The following BBS9 variants were observed in gnomAD, a reference collection of about 807,000 sequenced individuals.
BBS9 encodes Bardet-Biedl syndrome 9, also known as protein PTHB1.
A neutral mutation model predicts 117.7 loss-of-function variants in BBS9; 89 were observed. That is an observed-to-expected ratio of 0.76 (90% CI 0.64 to 0.90). BBS9 has a LOEUF of 0.90. Among genes scored for constraint, BBS9 ranks in the 40% least tolerant of loss-of-function variants. The pLI, the probability that BBS9 is intolerant of heterozygous loss-of-function variation, is 0.00. For synonymous variants in BBS9, 379 were observed against 370.9 expected (o/e 1.02, Z -0.25); for missense variants, 982 against 1,042.2 (o/e 0.94, Z 0.80).
chr7:33,404,172 C>G (rs2128799407), intron 19 of BBS9, among the ~76,000 whole-genome samples: 1 of 152,202 alleles, frequency 6.6e-6, no homozygotes, highest in African/African-American at 2.4e-5. Context: ...GGCGTTATTT[C>G]TGAGGGCTCT....
At chr7:33,546,766 C>T (rs1853439191) in intron 21 of BBS9, among the ~76,000 whole-genome samples, 1 of 152,148 alleles carries the variant, frequency 6.6e-6, no homozygotes, top group African/African-American at 2.4e-5. Context: ...AATGATGTTC[C>T]ACAACGCATT....
At chr7:33,268,436 T>C (rs1376054750) in intron 7 of BBS9, among the ~76,000 whole-genome samples, 1 of 152,236 alleles carries the variant, frequency 6.6e-6, no homozygotes, top group Non-Finnish European at 1.5e-5. Flanking sequence ...TTCCCTGCAC[T>C]ATGGCCTAGA....
chr7:33,399,013 A>G (rs960993611), intron 19 of BBS9, among the ~76,000 whole-genome samples: 3 of 152,212 alleles, frequency 2.0e-5, no homozygotes, highest in Non-Finnish European at 2.9e-5. Flanking sequence ...TATATTCAAT[A>G]TATCATTTCA....
At chr7:33,418,686 G>A (rs1232250311) in intron 19 of BBS9, among the ~76,000 whole-genome samples, 1 of 152,148 alleles carries the variant, frequency 6.6e-6, no homozygotes, top group Non-Finnish European at 1.5e-5. Flanking sequence ...GCATCTTGTA[G>A]CCACCTTGCT....
chr7:33,167,465 C>T (rs1181924875), intron 4 of BBS9, among the ~76,000 whole-genome samples: 1 of 147,438 alleles, frequency 6.8e-6, no homozygotes, highest in Non-Finnish European at 1.5e-5. Context: ...TGCAGTGGTA[C>T]AATCTCAGCT....
At chr7:33,449,478 G>A (rs995633518) in intron 19 of BBS9, among the ~76,000 whole-genome samples, 3 of 152,228 alleles carry the variant, frequency 2.0e-5, no homozygotes, top group South Asian at 2.1e-4. Flanking sequence ...CTTACGGCCC[G>A]GAGCCCTGGA....
chr7:33,424,194 G>A (rs1833295594), intron 19 of BBS9, among the ~76,000 whole-genome samples: 1 of 152,172 alleles, frequency 6.6e-6, no homozygotes, highest in Non-Finnish European at 1.5e-5. Flanking sequence ...GTTCCAGCAA[G>A]GTGATTATGG....
At chr7:33,519,383 T>C (rs1239142053) in intron 20 of BBS9, among the ~76,000 whole-genome samples, 2 of 152,218 alleles carry the variant, frequency 1.3e-5, no homozygotes, top group African/African-American at 4.8e-5. Context: ...CCAAGTATTC[T>C]CAATGATGAG....
At chr7:33,426,636 C>T (rs980997088) in intron 19 of BBS9, among the ~76,000 whole-genome samples, 8 of 151,550 alleles carry the variant, frequency 5.3e-5, no homozygotes, top group African/African-American at 1.7e-4. Flanking sequence ...AAGCCACATT[C>T]GGTTGTTAAA....
At chr7:33,179,770 A>C (rs1409000586) in intron 5 of BBS9, among the ~76,000 whole-genome samples, 2 of 152,210 alleles carry the variant, frequency 1.3e-5, no homozygotes, top group Non-Finnish European at 2.9e-5. Context: ...TGTCTTCCAC[A>C]AAACTGGTCC....
intron 9 of BBS9, among the ~76,000 whole-genome samples, chr7:33,281,133 T>C (rs1168092491): frequency 1.3e-5 from 2 of 151,670 alleles, no homozygotes; most frequent in African/African-American, 2.4e-5. Flanking sequence ...AATATTAGTT[T>C]TTCATTACTA....
chr7:33,269,448 T>C (rs1026004360), intron 7 of BBS9, among the ~76,000 whole-genome samples: 1 of 151,120 alleles, frequency 6.6e-6, no homozygotes, highest in Non-Finnish European at 1.5e-5. Context: ...TGCATCTCTC[T>C]TGGGTGAAGC....
In BBS9 at chr7:33,605,586, A is replaced by G. The variant is rs992307846; in HGVS notation, c.*360A>G. On this transcript the variant is annotated 3_prime_UTR_variant, in exon 23 of 23. Coordinates refer to ENST00000242067, the MANE Select transcript of BBS9 (RefSeq NM_198428.3). ...TACCCCATTTTTTCACAGAATTCTT[A>G]TATAGTAAATGTATCAAGTTTAATA... 29 of 300,034 alleles carry G rather than the reference A, an allele frequency of 9.7e-5. No individual in the cohort carries two copies. Among genetic ancestry groups the G allele is most frequent in the African/African-American group, 4.7e-4 (22 of 46,600 alleles). The allele number at this position is 300,034 out of a possible 1,614,324, so 18.6% of individuals were successfully genotyped here.
At chr7:33,606,689 A>T (rs1585464864), downstream of BBS9, among the ~76,000 whole-genome samples, 1 of 152,116 alleles carries the variant, frequency 6.6e-6, no homozygotes, top group Non-Finnish European at 1.5e-5. Context: ...TTTCATTTTA[A>T]TTGTAAACTC....
intron 15 of BBS9, among the ~76,000 whole-genome samples, chr7:33,353,198 T>C (rs1273484599): frequency 6.6e-6 from 1 of 152,194 alleles, no homozygotes; most frequent in Non-Finnish European, 1.5e-5. Flanking sequence ...GCTCTGTTAT[T>C]TTACCTAAAA....
intron 1 of BBS9, among the ~76,000 whole-genome samples, chr7:33,134,886 G>T (rs1381502295): frequency 1.3e-5 from 2 of 152,132 alleles, no homozygotes; most frequent in African/African-American, 4.8e-5. Context: ...GTCAGCCACT[G>T]CACCTGGCTT....
chr7:33,515,123 A>G (rs750557719), intron 20 of BBS9, among the ~76,000 whole-genome samples: 31 of 152,210 alleles, frequency 2.0e-4, no homozygotes, highest in Non-Finnish European at 3.8e-4. Context: ...AATCAGGAAA[A>G]AAAAACCAGA....
intron 2 of BBS9, among the ~76,000 whole-genome samples, chr7:33,151,733 T>G (rs1246957921): frequency 2.0e-5 from 3 of 151,790 alleles, no homozygotes; most frequent in Non-Finnish European, 4.4e-5. Flanking sequence ...CTATTTTTAG[T>G]AGAGATAGGG....
At chr7:33,456,715 C>A (rs1838707944) in intron 19 of BBS9, among the ~76,000 whole-genome samples, 1 of 152,026 alleles carries the variant, frequency 6.6e-6, no homozygotes, top group South Asian at 2.1e-4. Flanking sequence ...ATAACAAAGC[C>A]ATGAATGTTG....
Sources: gnomAD v4.1 joint callset for allele counts (sites outside exome capture counted in the v4.1 genomes callset) on GRCh38, gnomAD v4.1.1 for gene constraint, MANE v1.5 for transcripts, NCBI Gene and HGNC (gene_info 2026-07-23, HGNC 2026-07-21) for gene names.